Variants in GRK3 observed in about 807,000 individuals in gnomAD.
GRK3 encodes G protein-coupled receptor kinase 3.
Under a neutral mutation model 95.7 loss-of-function variants are expected in GRK3, and 54 were observed. That is an observed-to-expected ratio of 0.56 (90% CI 0.45 to 0.71). The LOEUF (loss-of-function observed/expected upper bound fraction) is 0.71. Among genes scored for constraint, GRK3 ranks in the 30% least tolerant of loss-of-function variants. The pLI is 0.00. For synonymous variants in GRK3, 281 were observed against 290.8 expected (o/e 0.97, Z 0.34); for missense variants, 649 against 851.2 (o/e 0.76, Z 2.96).
chr22:25,565,564 C>G (rs1385577593), intron 1 of GRK3, among the ~76,000 whole-genome samples: 1 of 152,086 alleles, frequency 6.6e-6, no homozygotes, highest in Non-Finnish European at 1.5e-5. Context: ...TGCGCTCCAT[C>G]CTGGTCGCTC....
chr22:25,692,304 G>A (rs1404321026), intron 12 of GRK3, among the ~76,000 whole-genome samples: 1 of 152,176 alleles, frequency 6.6e-6, no homozygotes, highest in Non-Finnish European at 1.5e-5. Context: ...GGCATTTTGT[G>A]GCTAGGAATA....
rs977539142 is a variant in GRK3, at chr22:25,723,660, A to G, written c.*1210A>G. The stretch of plus-strand genomic sequence containing the variant: ...GATGCTGGGTTATGAGAACCAGCGA[A>G]ATCCCCCATGTCATCAGTCTTAAAA... On this transcript the variant is annotated 3_prime_UTR_variant, in exon 21 of 21. Transcript: ENST00000324198. 2.0e-5 allele frequency: 3 copies of G among 152,150 alleles called. No individual in the cohort carries two copies. The highest frequency in any genetic ancestry group is 7.2e-5 in the African/African-American group (3 of 41,426). 9.4% of individuals were successfully genotyped at this position (152,150 alleles called of 1,614,324 possible). A position where few individuals can be genotyped will look rare whatever the true frequency, so the allele number is the denominator to read the frequency against.
rs537863535 is a variant in GRK3, at chr22:25,703,668, A to G, written c.1227+92A>G. 77 of 945,828 alleles carry G rather than the reference A, an allele frequency of 8.1e-5. No homozygotes were observed. The African/African-American group carries it at 1.2e-3, about 15-fold the overall frequency. The allele number at this position is 945,828 out of a possible 1,614,324, so 58.6% of individuals were successfully genotyped here. A position where few individuals can be genotyped will look rare whatever the true frequency, so the allele number is the denominator to read the frequency against. On this transcript the variant is annotated intron_variant, in intron 14 of 20. Coordinates refer to ENST00000324198, the MANE Select transcript of GRK3 (RefSeq NM_005160.4). ...AAAAAATGCTATTACATAAAATGTT[A>G]TAGGAAATATAAAATTATGTATAGA...
rs1485203340 is a variant in GRK3, at chr22:25,690,183, G to T, written c.958-6G>T. 1.2e-6 allele frequency: 2 copies of T among 1,611,238 alleles called. No individual in the cohort carries two copies. Among genetic ancestry groups the T allele is most frequent in the Non-Finnish European group, 1.7e-6 (2 of 1,177,686 alleles). Reference sequence around the variant, plus strand: ...TCTTATTAAAGATTATTCTCTTTCTGTTTAGCCAGCAAATATTCTCTTGGA... The same window carrying T: ...TCTTATTAAAGATTATTCTCTTTCTTTTTAGCCAGCAAATATTCTCTTGGA... On this transcript the variant is annotated splice_region_variant and splice_polypyrimidine_tract_variant and intron_variant, in intron 11 of 20. Transcript: ENST00000324198.
Position 25,718,261 on chromosome 22 carries a change from G to A in GRK3, c.1671G>A (p.Lys557=), listed in dbSNP as rs1239267823. Reference sequence around the variant, plus strand: ...ATTCCTCAGATTACGCTCTGGGGAAGGACTGTATTATGCACGGGTACATGC... The same window carrying A: ...ATTCCTCAGATTACGCTCTGGGGAAAGACTGTATTATGCACGGGTACATGC... ...LGHEEDYALG[K]DCIMHGYMLK... is the part of the protein sequence containing the mutation. Residue 557 remains lysine (K), a synonymous_variant, in exon 19 of 21, where the codon AAG becomes AAA. Coordinates refer to ENST00000324198, the MANE Select transcript of GRK3 (RefSeq NM_005160.4). 1.9e-6 allele frequency: 3 copies of A among 1,614,040 alleles called. No homozygotes were observed. The highest frequency in any genetic ancestry group is 1.3e-5 in the African/African-American group (1 of 75,026).
chr22:25,588,230 A>G (rs1213130714), intron 1 of GRK3, among the ~76,000 whole-genome samples: 3 of 152,208 alleles, frequency 2.0e-5, no homozygotes, highest in Non-Finnish European at 4.4e-5. Context: ...GTATCTGATG[A>G]CTGTGGGCCA....
intron 2 of GRK3, among the ~76,000 whole-genome samples, chr22:25,643,492 C>T (rs1247246272): frequency 6.6e-6 from 1 of 152,200 alleles, no homozygotes; most frequent in Non-Finnish European, 1.5e-5. Flanking sequence ...CTTTTTCAGT[C>T]CCACCTGGGG....
intron 8 of GRK3, among the ~76,000 whole-genome samples, chr22:25,676,468 G>A (rs776477230): frequency 5.9e-4 from 89 of 152,088 alleles, no homozygotes; most frequent in Admixed American, 2.8e-3. Flanking sequence ...GAGGTGGGCC[G>A]ATCACGAGGT....
intron 19 of GRK3, 34 bp downstream of exon 19, chr22:25,718,415 C>T: frequency 6.2e-7 from 1 of 1,610,446 alleles, no homozygotes. Flanking sequence ...AGCATGTTTC[C>T]CAGTACGTAC....
chr22:25,569,597 G>A (rs909625717), intron 1 of GRK3, among the ~76,000 whole-genome samples: 2 of 152,198 alleles, frequency 1.3e-5, no homozygotes, highest in Admixed American at 6.5e-5. Flanking sequence ...ACTATCCGAC[G>A]AAGGTGTCAA....
At chr22:25,708,775 C>T (rs1301973433) in intron 15 of GRK3, among the ~76,000 whole-genome samples, 4 of 151,862 alleles carry the variant, frequency 2.6e-5, no homozygotes, top group Admixed American at 2.6e-4. Flanking sequence ...AAATCTCCTG[C>T]CTCAGCCTCC....
Position 25,701,183 on chromosome 22 carries a change from C to A in GRK3, c.1161-2327C>A, listed in dbSNP as rs76079624. Among the ~76,000 whole-genome samples, 1,304 of 152,302 alleles carry A rather than the reference C, an allele frequency of 8.6e-3. 19 individuals are homozygous for A. The highest frequency in any genetic ancestry group is 0.03 in the African/African-American group (1,245 of 41,552). ...GAAGAGCTTGGCCGTGCCTTGTAAG[C>A]TGTTGACAGGCCTGTTACTGTCTCC... On this transcript the variant is annotated intron_variant, in intron 13 of 20. Coordinates refer to ENST00000324198, the MANE Select transcript of GRK3 (RefSeq NM_005160.4).
Position 25,703,499 on chromosome 22 carries a change from T to C in GRK3, c.1161-11T>C. 6.2e-7 allele frequency: 1 copy of C among 1,607,114 alleles called. No individual in the cohort carries two copies. Among genetic ancestry groups the C allele is most frequent in the Admixed American group, 1.7e-5 (1 of 59,832 alleles). ...GCCATATTTTGATAGAACAATTCTT[T>C]ATTTCTACAGTCACAGCCCTTTCAG... On this transcript the variant is annotated splice_polypyrimidine_tract_variant and intron_variant, in intron 13 of 20. Coordinates refer to ENST00000324198, the MANE Select transcript of GRK3 (RefSeq NM_005160.4).
At chr22:25,629,383 GTAAATAGGT>G (rs1425424128) in intron 2 of GRK3, among the ~76,000 whole-genome samples, 1 of 152,208 alleles carries the variant, frequency 6.6e-6, no homozygotes, top group Non-Finnish European at 1.5e-5. Context: ...AGGATTTACG[GTAAATAGGT>G]TAATACAGCA....
intron 17 of GRK3, among the ~76,000 whole-genome samples, chr22:25,713,080 G>A (rs1162334063): frequency 1.3e-5 from 2 of 152,182 alleles, no homozygotes; most frequent in Non-Finnish European, 2.9e-5. Flanking sequence ...TAAAGATCAA[G>A]TCTTTCTGAA....
chr22:25,593,137 GT>G (rs141900632), intron 1 of GRK3, among the ~76,000 whole-genome samples: 28,724 of 144,854 alleles, frequency 0.2, 6,453 homozygotes, highest in African/African-American at 0.56. Flanking sequence ...AGTGCATGTG[GT>G]TTTTTTTTTT....
At chr22:25,671,213 G>A (rs947624542) in intron 6 of GRK3, among the ~76,000 whole-genome samples, 6 of 129,398 alleles carry the variant, frequency 4.6e-5, no homozygotes, top group African/African-American at 1.5e-4. Flanking sequence ...GGTGGCGGGC[G>A]CCTGTAGTCC....
At chr22:25,638,148 C>G (rs1389011084) in intron 2 of GRK3, among the ~76,000 whole-genome samples, 1 of 152,182 alleles carries the variant, frequency 6.6e-6, no homozygotes, top group East Asian at 1.9e-4. Context: ...ATACTTCCAC[C>G]TAACATGATA....
intron 15 of GRK3, 59 bp from the exon 16 acceptor site, chr22:25,709,839 C>A: frequency 7.6e-7 from 1 of 1,318,274 alleles, no homozygotes; most frequent in Non-Finnish European, 1.1e-6. Flanking sequence ...CAGTTTTGCA[C>A]AATATTTATT....
Sources: gnomAD v4.1 joint callset for allele counts (sites outside exome capture counted in the v4.1 genomes callset) on GRCh38, gnomAD v4.1.1 for gene constraint, MANE v1.5 for transcripts, NCBI Gene and HGNC (gene_info 2026-07-23, HGNC 2026-07-21) for gene names.